SLA: variants seen among roughly 807,000 people sequenced by gnomAD.
SLA encodes the protein src-like-adapter.
A neutral mutation model predicts 30.3 loss-of-function variants in SLA; 16 were observed. That is an observed-to-expected ratio of 0.53 (90% CI 0.36 to 0.80). SLA has a LOEUF of 0.80. SLA is among the 30% of genes least tolerant of loss of function. SLA has a pLI of 0.01. For missense variants in SLA, 310 were observed against 345.2 expected (o/e 0.90, Z 0.81); for synonymous variants, 143 against 137.8 (o/e 1.04, Z -0.26).
At chr8:133,071,091 T>C (rs892550251) in intron 2 of SLA, among the ~76,000 whole-genome samples, 1 of 152,210 alleles carries the variant, frequency 6.6e-6, no homozygotes, top group Non-Finnish European at 1.5e-5. Context: ...GCTGGAGGCC[T>C]CCCTGTGTCC....
chr8:133,056,499 C>A (rs557650592), intron 3 of SLA, among the ~76,000 whole-genome samples: 1 of 152,292 alleles, frequency 6.6e-6, no homozygotes, highest in East Asian at 1.9e-4. Flanking sequence ...CTTCTTGAAA[C>A]CCTGTCCTTT....
intron 2 of SLA, 163 bp from the exon 3 acceptor site, chr8:133,060,363 T>C (rs1842197595): frequency 2.6e-6 from 4 of 1,538,946 alleles, no homozygotes; most frequent in Middle Eastern, 1.7e-4. Context: ...TTGGTTACTT[T>C]TGCGCAGCTC....
intron 1 of SLA, among the ~76,000 whole-genome samples, chr8:133,081,378 A>G (rs1177392418): frequency 6.6e-6 from 1 of 152,260 alleles, no homozygotes; most frequent in African/African-American, 2.4e-5. Flanking sequence ...TGGGGAAGAC[A>G]ATAAGCTAAC....
intron 3 of SLA, among the ~76,000 whole-genome samples, chr8:133,051,168 A>T (rs746313933): frequency 1.3e-5 from 2 of 152,190 alleles, no homozygotes; most frequent in Non-Finnish European, 2.9e-5. Context: ...TCATCTGAGA[A>T]ATGGGATCCA....
At chr8:133,086,275 A>G (rs971712637) in intron 1 of SLA, among the ~76,000 whole-genome samples, 7 of 152,256 alleles carry the variant, frequency 4.6e-5, no homozygotes, top group African/African-American at 1.7e-4. Context: ...TTCTAAAATT[A>G]GATGTGGTGA....
intron 4 of SLA, 77 bp from the exon 5 acceptor site, chr8:133,050,065 G>T (rs1840118114): frequency 2.1e-6 from 2 of 953,328 alleles, no homozygotes; most frequent in African/African-American, 1.6e-5. Context: ...AGAGTAATCA[G>T]ATTTAACCCA....
chr8:133,097,007 C>G (rs1228633370), intron 1 of SLA, among the ~76,000 whole-genome samples: 1 of 152,202 alleles, frequency 6.6e-6, no homozygotes, highest in Non-Finnish European at 1.5e-5. Flanking sequence ...ACATGCTCCT[C>G]TGCCCACCCC....
chr8:133,091,195 T>A (rs1847458874), intron 1 of SLA, among the ~76,000 whole-genome samples: 1 of 152,254 alleles, frequency 6.6e-6, no homozygotes, highest in Non-Finnish European at 1.5e-5. Flanking sequence ...TGGGCACTGC[T>A]GCAAGGGCTT....
intron 2 of SLA, 93 bp from the exon 3 acceptor site, chr8:133,060,293 T>C: frequency 6.3e-7 from 1 of 1,578,206 alleles, no homozygotes; most frequent in Non-Finnish European, 8.6e-7. Context: ...TGCATCATTT[T>C]TCTGGCAGCT....
chr8:133,091,197 C>G (rs942131612), intron 1 of SLA, among the ~76,000 whole-genome samples: 2 of 152,240 alleles, frequency 1.3e-5, no homozygotes, highest in African/African-American at 4.8e-5. Flanking sequence ...GGCACTGCTG[C>G]AAGGGCTTTG....
chr8:133,043,974 C>A (rs1838810712), intron 7 of SLA, among the ~76,000 whole-genome samples: 1 of 152,142 alleles, frequency 6.6e-6, no homozygotes, highest in African/African-American at 2.4e-5. Flanking sequence ...AATGGGAGCT[C>A]ACGATTATGG....
intron 7 of SLA, among the ~76,000 whole-genome samples, chr8:133,044,221 T>G (rs1165314461): frequency 1.3e-5 from 2 of 152,128 alleles, no homozygotes; most frequent in Non-Finnish European, 2.9e-5. Flanking sequence ...TTCTGTAGGG[T>G]AAAGTTCCGA....
chr8:133,069,656 G>T (rs528891901), intron 2 of SLA, among the ~76,000 whole-genome samples: 1 of 152,028 alleles, frequency 6.6e-6, no homozygotes, highest in Non-Finnish European at 1.5e-5. Flanking sequence ...TTCTACTCTC[G>T]GCTGGGGCTC....
chr8:133,064,551 G>T (rs879402910), intron 2 of SLA, among the ~76,000 whole-genome samples: 1 of 152,216 alleles, frequency 6.6e-6, no homozygotes, highest in Non-Finnish European at 1.5e-5. Context: ...TACACTTTTT[G>T]TTCAGGACCA....
intron 2 of SLA, among the ~76,000 whole-genome samples, chr8:133,071,416 G>C: frequency 6.6e-6 from 1 of 152,164 alleles, no homozygotes; most frequent in East Asian, 1.9e-4. Context: ...AGGGATGGAG[G>C]GCAGCTTAAA....
chr8:133,059,489 C>T (rs1842049185), intron 3 of SLA, among the ~76,000 whole-genome samples: 1 of 152,112 alleles, frequency 6.6e-6, no homozygotes, highest in South Asian at 2.1e-4. Flanking sequence ...TCTAACCAAA[C>T]CTGACATCTC....
intron 8 of SLA, 141 bp downstream of exon 8, chr8:133,039,857 C>G: frequency 2.1e-6 from 3 of 1,422,112 alleles, no homozygotes; most frequent in Non-Finnish European, 9.4e-7. Flanking sequence ...GGTGCTCACC[C>G]CCCAGTTTCA....
intron 4 of SLA, 59 bp from the exon 5 acceptor site, chr8:133,050,047 G>A: frequency 1.9e-6 from 2 of 1,071,794 alleles, no homozygotes; most frequent in East Asian, 2.4e-5. Context: ...ACCAAAGGAT[G>A]AATGAACAGA....
chr8:133,058,626 G>A (rs571447882), intron 3 of SLA, among the ~76,000 whole-genome samples: 174 of 152,312 alleles, frequency 1.1e-3, no homozygotes, highest in Non-Finnish European at 1.9e-3. Context: ...ATGACCAGAG[G>A]AGGAGGCTGT....
Sources: allele counts gnomAD v4.1 joint callset (sites outside exome capture counted in the v4.1 genomes callset), GRCh38; gene constraint gnomAD v4.1.1; transcripts MANE v1.5; gene names NCBI Gene and HGNC (gene_info 2026-07-23, HGNC 2026-07-21).